DPP6: variants seen among roughly 807,000 people sequenced by gnomAD.
DPP6 encodes A-type potassium channel modulatory protein DPP6.
In DPP6, 69 loss-of-function variants were observed where a neutral mutation model predicts 122.6. The ratio of observed to expected loss-of-function variants is 0.56; its 90% CI spans 0.46 to 0.69. DPP6 has a LOEUF of 0.69. DPP6 is among the 30% of genes least tolerant of loss of function. The probability of loss-of-function intolerance (pLI) is 0.00; values close to 1 mark genes in which losing one functional copy is unlikely to be tolerated. For missense variants in DPP6, 928 were observed against 1,116.9 expected (o/e 0.83, Z 2.41); for synonymous variants, 418 against 433.1 (o/e 0.97, Z 0.43).
At chr7:153,769,002 G>C in the DPP6 span, among the ~76,000 whole-genome samples, 1 of 152,242 alleles carries the variant, frequency 6.6e-6, no homozygotes, top group East Asian at 1.9e-4. Context: ...ATTGGCCTTT[G>C]AGTAAATAAG....
At chr7:154,794,841 G>A (rs1797941188) in intron 11 of DPP6, among the ~76,000 whole-genome samples, 1 of 252 alleles carries the variant, frequency 4.0e-3, no homozygotes, top group Non-Finnish European at 8.8e-3. Context: ...ACCTTGTGGC[G>A]GGTTTTGTAG....
intron 1 of DPP6, among the ~76,000 whole-genome samples, chr7:154,275,868 C>G (rs1804094087): frequency 6.6e-6 from 1 of 152,218 alleles, no homozygotes; most frequent in South Asian, 2.1e-4. Context: ...CATGGCCATT[C>G]TCACCCCACT....
At chr7:154,589,840 G>A (rs752010487) in intron 5 of DPP6, among the ~76,000 whole-genome samples, 5 of 152,156 alleles carry the variant, frequency 3.3e-5, no homozygotes, top group South Asian at 2.1e-4. Context: ...TTCTGTCTCC[G>A]GACTTCGTAA....
chr7:154,284,399 C>G (rs1294324909), intron 1 of DPP6, among the ~76,000 whole-genome samples: 1 of 152,174 alleles, frequency 6.6e-6, no homozygotes, highest in Non-Finnish European at 1.5e-5. Flanking sequence ...TGCCTATGTT[C>G]TTTGCAGCAT....
At chr7:154,852,767 G>A (rs755234432) in intron 16 of DPP6, among the ~76,000 whole-genome samples, 2 of 152,262 alleles carry the variant, frequency 1.3e-5, no homozygotes, top group South Asian at 2.1e-4. Context: ...CAATAGCGTA[G>A]TGTGTGGTAA....
chr7:154,503,922 C>T (rs183633116), intron 3 of DPP6, among the ~76,000 whole-genome samples: 55 of 152,282 alleles, frequency 3.6e-4, no homozygotes, highest in African/African-American at 1.2e-3. Flanking sequence ...TGTAACAAAG[C>T]TGCACATCCT....
At chr7:154,680,705 TAAAA>T (rs1839228751) in intron 7 of DPP6, among the ~76,000 whole-genome samples, 5 of 145,044 alleles carry the variant, frequency 3.4e-5, no homozygotes, top group South Asian at 2.2e-4. Context: ...AAAAAAAAAT[TAAAA>T]AGAGAAGAAA....
At chr7:154,571,017 A>G (rs1397029678) in intron 5 of DPP6, among the ~76,000 whole-genome samples, 1 of 152,256 alleles carries the variant, frequency 6.6e-6, no homozygotes, top group Admixed American at 6.5e-5. Flanking sequence ...TCAAAAGATC[A>G]TTCCTGCTCC....
chr7:154,752,177 G>A (rs1843429236), intron 8 of DPP6, among the ~76,000 whole-genome samples: 1 of 152,142 alleles, frequency 6.6e-6, no homozygotes, highest in South Asian at 2.1e-4. Flanking sequence ...ATGACAAAAT[G>A]TATATTATTC....
intron 16 of DPP6, among the ~76,000 whole-genome samples, chr7:154,844,604 C>T (rs930146734): frequency 7.9e-5 from 12 of 152,174 alleles, no homozygotes; most frequent in African/African-American, 2.7e-4. Context: ...AACCTTGAGG[C>T]CTGTGGTGGT....
intron 1 of DPP6, among the ~76,000 whole-genome samples, chr7:154,006,311 G>A (rs1424281420): frequency 6.6e-6 from 1 of 151,916 alleles, no homozygotes; most frequent in Non-Finnish European, 1.5e-5. Context: ...TATGTCTAGG[G>A]AGGGCCAGAA....
the DPP6 span, among the ~76,000 whole-genome samples, chr7:153,749,191 A>T: frequency 6.6e-6 from 1 of 152,042 alleles, no homozygotes; most frequent in African/African-American, 2.4e-5. The surrounding 1 kb of genome is among the most constrained non-coding windows in gnomAD (Gnocchi z 4.1). Flanking sequence ...GGGTTGAGAG[A>T]ACGTGTGCTG....
At chr7:154,191,438 A>G (rs1159983275) in intron 1 of DPP6, among the ~76,000 whole-genome samples, 2 of 152,226 alleles carry the variant, frequency 1.3e-5, no homozygotes, top group Non-Finnish European at 2.9e-5. Flanking sequence ...TTTGTGAGAA[A>G]TAAATGAGAT....
chr7:154,034,095 C>T (rs534124073), intron 1 of DPP6, among the ~76,000 whole-genome samples: 5 of 152,304 alleles, frequency 3.3e-5, no homozygotes, highest in Admixed American at 2.6e-4. Flanking sequence ...CAATTTATGG[C>T]TTATTAAGTG....
chr7:154,242,398 GTA>G lies in DPP6; in HGVS notation c.243+189337_243+189338del, dbSNP rs138654576. On this transcript the variant is annotated intron_variant, in intron 1 of 25. Coordinates refer to ENST00000377770, the MANE Select transcript of DPP6 (RefSeq NM_130797.4). ...AGGCAATGAGTGTGTGTGTGTGTGT[GTA>G]TGTGTGTGAGTATATATATATTCCC... 9.3e-3 allele frequency among the ~76,000 whole-genome samples: 1,422 copies of G among 152,224 alleles called. 24 individuals carry two copies. The highest frequency in any genetic ancestry group is 0.033 in the African/African-American group (1,379 of 41,528).
intron 3 of DPP6, among the ~76,000 whole-genome samples, chr7:154,531,358 G>A (rs977818183): frequency 6.6e-6 from 1 of 152,126 alleles, no homozygotes; most frequent in East Asian, 1.9e-4. Flanking sequence ...CCAGAAGAGA[G>A]TGGAACAGAG....
intron 1 of DPP6, among the ~76,000 whole-genome samples, chr7:153,964,170 A>G (rs377392881): frequency 2.4e-4 from 36 of 151,986 alleles, no homozygotes; most frequent in African/African-American, 7.2e-4. Context: ...CAATTTTTGT[A>G]TTTTTAGTAC....
intron 1 of DPP6, among the ~76,000 whole-genome samples, chr7:154,014,841 T>A (rs1798327709): frequency 6.6e-6 from 1 of 151,888 alleles, no homozygotes; most frequent in African/African-American, 2.4e-5. Flanking sequence ...TCTAAAGAAT[T>A]GTGATAAAGC....
chr7:154,259,127 T>C (rs575643435), intron 1 of DPP6, among the ~76,000 whole-genome samples: 1 of 152,314 alleles, frequency 6.6e-6, no homozygotes, highest in African/African-American at 2.4e-5. Context: ...GCCATGTGTT[T>C]TATGAATTTC....
Sources: gnomAD v4.1 joint callset for allele counts (sites outside exome capture counted in the v4.1 genomes callset) on GRCh38, gnomAD v4.1.1 for gene constraint, Gnocchi (gnomAD v3.1) non-coding constraint, MANE v1.5 for transcripts, NCBI Gene and HGNC (gene_info 2026-07-23, HGNC 2026-07-21) for gene names.